Variants in MCEE observed in about 807,000 individuals in gnomAD.
MCEE encodes the protein methylmalonyl-CoA epimerase, also known as methylmalonyl-CoA epimerase, mitochondrial.
Under a neutral mutation model 12.9 loss-of-function variants are expected in MCEE, and 6 were observed. The ratio of observed to expected loss-of-function variants is 0.47; its 90% confidence interval spans 0.26 to 0.92. The LOEUF (loss-of-function observed/expected upper bound fraction) is 0.92. MCEE is among the 40% of genes least tolerant of loss of function. The pLI is 0.16. For synonymous variants in MCEE, 78 were observed against 77.9 expected, an observed-to-expected ratio of 1.00 and a Z score of -0.01; for missense variants, 214 against 212.1, an observed-to-expected ratio of 1.01 and a Z score of -0.05.
At chr2:71,128,178 T>C (rs1673279434) in intron 1 of MCEE, among the ~76,000 whole-genome samples, 1 of 152,252 alleles carries the variant, frequency 6.6e-6, no homozygotes, top group Non-Finnish European at 1.5e-5. Flanking sequence ...AGTAAACCTA[T>C]GCAGTCATGT....
At chr2:71,114,115 A>C (rs374650737) in intron 2 of MCEE, among the ~76,000 whole-genome samples, 2 of 152,150 alleles carry the variant, frequency 1.3e-5, no homozygotes, top group Non-Finnish European at 2.9e-5. Context: ...AAAAACAAGG[A>C]AAGTTTGAGA....
Position 71,125,211 on chromosome 2 carries a change from AT to A in MCEE, c.41-669del, listed in dbSNP as rs1243506608. Among the ~76,000 whole-genome samples, 461 of 48,610 alleles carry A rather than the reference AT, an allele frequency of 9.5e-3. 10 individuals are homozygous for A. The highest frequency in any genetic ancestry group is 0.026 in the African/African-American group (432 of 16,614). 31.9% of individuals were successfully genotyped at this position (48,610 alleles called of 152,430 possible). On this transcript the variant is annotated intron_variant, in intron 1 of 2. Transcript: ENST00000244217. ...TAAATATATATATATATATATATAT[AT>A]TTTTTTTTTTTTTTGAGACGGAGTC...
intron 1 of MCEE, among the ~76,000 whole-genome samples, chr2:71,127,629 AGTTT>A (rs10569476): frequency 0.13 from 19,977 of 152,138 alleles, 1,579 homozygotes; most frequent in South Asian, 0.2. Flanking sequence ...ACACGTAATA[AGTTT>A]GTTTGTTTTT....
chr2:71,110,513 A>G (rs1310669149), intron 2 of MCEE, among the ~76,000 whole-genome samples: 1 of 152,198 alleles, frequency 6.6e-6, no homozygotes, highest in Non-Finnish European at 1.5e-5. Context: ...TTGACTACAG[A>G]TTAAAATGAG....
Position 71,130,194 on chromosome 2 carries a change from G to A in MCEE, c.26C>T (p.Ala9Val), listed in dbSNP as rs769440046. The A allele has an allele frequency of 1.9e-6, 3 of 1,608,426 alleles. No homozygotes were observed. The African/African-American group carries it at 4.0e-5, about 21-fold the overall frequency. The change falls in exon 1 of 3, where the codon GCC (alanine) becomes GTC (valine). Residue 9 changes from alanine to valine, a missense_variant. Ala to Val is a moderately conservative substitution (Grantham distance 64, BLOSUM62 0). Transcript: ENST00000244217. MARVLKAA[A>V]ANAVGLFSRL... is the part of the protein sequence containing the mutation. The stretch of plus-strand genomic sequence containing the variant: ...CCGGTATTCACCTACGGCATTCGCG[G>A]CTGCAGCCTTCAGCACCCGCGCCAT...
intron 1 of MCEE, among the ~76,000 whole-genome samples, chr2:71,128,847 G>A (rs894644309): frequency 2.0e-5 from 3 of 151,764 alleles, no homozygotes; most frequent in Non-Finnish European, 4.4e-5. Context: ...AAAATTAGCC[G>A]GGCGTGGTGC....
Position 71,109,731 on chromosome 2 carries a change from CTAAG to C in MCEE, c.*235_*238del, listed in dbSNP as rs902516114. On this transcript the variant is annotated 3_prime_UTR_variant, in exon 3 of 3. Transcript: ENST00000244217. ...TTCTATATGATTTTAATAATGTTCC[CTAAG>C]TAATTAGTAATCAAGATTTTCTTCA... 1.4e-5 allele frequency: 4 copies of C among 284,562 alleles called. No individual in the cohort carries two copies. Among genetic ancestry groups the C allele is most frequent in the Non-Finnish European group, 2.6e-5 (4 of 156,856 alleles). 17.6% of individuals were successfully genotyped at this position (284,562 alleles called of 1,614,324 possible). A position where few individuals can be genotyped will look rare whatever the true frequency, so the allele number is the denominator to read the frequency against.
intron 2 of MCEE, among the ~76,000 whole-genome samples, chr2:71,114,721 G>A (rs574398074): frequency 6.6e-6 from 1 of 152,144 alleles, no homozygotes; most frequent in African/African-American, 2.4e-5. Flanking sequence ...TGATGTCACC[G>A]TGGTTATTTT....
At chr2:71,128,947 T>C (rs1483798963) in intron 1 of MCEE, among the ~76,000 whole-genome samples, 2 of 147,770 alleles carry the variant, frequency 1.4e-5, no homozygotes, top group African/African-American at 5.0e-5. Context: ...CTAACGCCAC[T>C]GCACTCCAGC....
chr2:71,124,102 T>C (rs1323394253), intron 2 of MCEE, 104 bp downstream of exon 2: 1 of 836,108 alleles, frequency 1.2e-6, no homozygotes, highest in Admixed American at 2.3e-5. Context: ...TTAAAGAACT[T>C]TACAAAAGTT....
chr2:71,118,267 C>T (rs1328307968), intron 2 of MCEE: 1 of 150,860 alleles, frequency 6.6e-6, no homozygotes, highest in Non-Finnish European at 1.5e-5. Context: ...ACCATTTTCC[C>T]CTGCAACGAT....
chr2:71,109,984 G>A lies in MCEE; in HGVS notation c.517C>T (p.Leu173=), dbSNP rs750560651. Residue 173 remains leucine (L), a synonymous_variant, in exon 3 of 3, where the codon CTG becomes TTG. Coordinates refer to ENST00000244217, the MANE Select transcript of MCEE (RefSeq NM_032601.4). ...GCAAATATAAATCAAGCTTGCTCCA[G>A]TTCCACAAGGACTCCACCACAGTCT... is the stretch of plus-strand genomic sequence containing the variant. ...PKDCGGVLVE[L]EQA 4.3e-6 allele frequency: 7 copies of A among 1,613,508 alleles called. No individual in the cohort carries two copies. The East Asian group carries it at 8.9e-5, about 21-fold the overall frequency.
chr2:71,122,530 T>C (rs1455151745), intron 2 of MCEE, among the ~76,000 whole-genome samples: 1 of 152,176 alleles, frequency 6.6e-6, no homozygotes, highest in East Asian at 1.9e-4. Context: ...CTCACACTCA[T>C]GGCAGAAGGC....
intron 2 of MCEE, among the ~76,000 whole-genome samples, chr2:71,114,350 T>TA (rs60308872): frequency 6.7e-6 from 1 of 150,142 alleles, no homozygotes; most frequent in Non-Finnish European, 1.5e-5. Context: ...AAAATAAAAT[T>TA]AAAAAAAAAA....
chr2:71,121,002 G>A (rs112581616), intron 2 of MCEE, among the ~76,000 whole-genome samples: 71 of 152,276 alleles, frequency 4.7e-4, no homozygotes, highest in Non-Finnish European at 8.2e-4. Flanking sequence ...CTCCCAAAGT[G>A]CTGTAATAAG....
intron 2 of MCEE, among the ~76,000 whole-genome samples, chr2:71,123,526 T>C (rs1029893633): frequency 6.6e-6 from 1 of 151,816 alleles, no homozygotes; most frequent in African/African-American, 2.4e-5. Context: ...AAAAAGAAAT[T>C]TGGCTTAACA....
chr2:71,119,398 T>C (rs1237927657), intron 2 of MCEE, among the ~76,000 whole-genome samples: 1 of 150,480 alleles, frequency 6.6e-6, no homozygotes, highest in Non-Finnish European at 1.5e-5. Flanking sequence ...AAATACAGTG[T>C]ATAACCTTAT....
chr2:71,125,188 AAT>A lies in MCEE; in HGVS notation c.41-647_41-646del, dbSNP rs67615436. On this transcript the variant is annotated intron_variant, in intron 1 of 2. Transcript: ENST00000244217. The stretch of plus-strand genomic sequence containing the variant: ...GTGTGTATGTGTGTGTATATATATA[AAT>A]ATATATATATATATATATATATTTT... Among the ~76,000 whole-genome samples the A allele has an allele frequency of 3.3e-3, 217 of 65,686 alleles. 13 individuals carry two copies. Among genetic ancestry groups the A allele is most frequent in the Middle Eastern group, 0.026 (2 of 76 alleles). 43.1% of individuals were successfully genotyped at this position (65,686 alleles called of 152,430 possible). A position where few individuals can be genotyped will look rare whatever the true frequency, so the allele number is the denominator to read the frequency against.
At position 71,125,703 on chromosome 2, in the gene MCEE, C is replaced by T. The variant is rs559797885; in HGVS notation, c.41-1160G>A. 4.3e-4 allele frequency among the ~76,000 whole-genome samples: 66 copies of T among 152,184 alleles called. No homozygotes were observed. The South Asian group carries it at 0.013, about 30-fold the overall frequency. ...CCTCATCAGATAGTTTCTTGATCTC[C>T]ACAGATAACTCTGCATTCCATTCAT... is the stretch of plus-strand genomic sequence containing the variant. On this transcript the variant is annotated intron_variant, in intron 1 of 2. Coordinates refer to ENST00000244217, the MANE Select transcript of MCEE (RefSeq NM_032601.4).
Sources: allele counts gnomAD v4.1 joint callset (sites outside exome capture counted in the v4.1 genomes callset), GRCh38; gene constraint gnomAD v4.1.1; transcripts MANE v1.5; gene names NCBI Gene and HGNC (gene_info 2026-07-23, HGNC 2026-07-21).